PALMD: variants seen among roughly 807,000 people sequenced by gnomAD.
The protein encoded by PALMD is palmdelphin.
A neutral mutation model predicts 56.2 loss-of-function variants in PALMD; 42 were observed. That is an observed-to-expected ratio of 0.75 (90% confidence interval 0.58 to 0.97). The LOEUF is 0.97. PALMD is among the 50% of genes least tolerant of loss of function. The pLI is 0.00. For synonymous variants in PALMD, 242 were observed against 222.9 expected (o/e 1.09, Z -0.76); for missense variants, 660 against 643.8 (o/e 1.03, Z -0.27).
intron 2 of PALMD, among the ~76,000 whole-genome samples, chr1:99,666,052 T>C (rs189442155): frequency 6.6e-5 from 10 of 152,288 alleles, no homozygotes; most frequent in African/African-American, 2.2e-4. Context: ...AAAAGGCCAG[T>C]ACAAATGTGA....
rs200179075 is a variant in PALMD, at chr1:99,683,092, A to G, written c.252-3584A>G. Reference sequence around the variant, plus strand: ...AGAGAGAGAGAGAGAGAGAGAGAGAAAGAAAGAAAGAAAGAAAGAAAGAAA... The same window carrying G: ...AGAGAGAGAGAGAGAGAGAGAGAGAGAGAAAGAAAGAAAGAAAGAAAGAAA... On this transcript the variant is annotated intron_variant, in intron 3 of 7. Transcript: ENST00000263174. Among the ~76,000 whole-genome samples, 191 of 51,980 alleles carry G rather than the reference A, an allele frequency of 3.7e-3. 6 individuals are homozygous for G. Among genetic ancestry groups the G allele is most frequent in the African/African-American group, 8.0e-3 (82 of 10,234 alleles). 34.1% of individuals were successfully genotyped at this position (51,980 alleles called of 152,430 possible).
chr1:99,662,390 G>T lies in PALMD; in HGVS notation c.117G>T (p.Gln39His). Residue 39 changes from glutamine to histidine, a missense_variant, in exon 2 of 8, where the codon CAG (glutamine) becomes CAT (histidine). Physicochemically the swap from Gln to His is conservative, Grantham distance 24. Transcript: ENST00000263174. Reference sequence around the variant, plus strand: ...TAGAGGAAGACAAACTAAAGCACCAGCATTTGAAGGTAATTTATGGCTTTA... The same window carrying T: ...TAGAGGAAGACAAACTAAAGCACCATCATTTGAAGGTAATTTATGGCTTTA... ...LKIEEDKLKH[Q>H]HLKKKALREK... 6.6e-7 allele frequency: 1 copy of T among 1,517,922 alleles called. No individual in the cohort carries two copies. Among genetic ancestry groups the T allele is most frequent in the Non-Finnish European group, 9.1e-7 (1 of 1,102,026 alleles). The allele number at this position is 1,517,922 out of a possible 1,614,324, so 94.0% of individuals were successfully genotyped here.
chr1:99,689,184 T>C lies in PALMD; in HGVS notation c.924T>C (p.Gly308=), dbSNP rs1653597451. 1 of 1,613,470 alleles carries C rather than the reference T, an allele frequency of 6.2e-7. No homozygotes were observed. The highest frequency in any genetic ancestry group is 1.3e-5 in the African/African-American group (1 of 74,844). Residue 308 remains glycine (G), a synonymous_variant, in exon 7 of 8, where the codon GGT becomes GGC. Transcript: ENST00000263174. The part of the protein sequence containing the change: ...VNESIHNMGN[G]LSEERGNNFN... ...AATCCATACACAATATGGGCAATGGTCTTTCAGAGGAAAGGGGAAACAACT... is the reference window on the plus strand; with the variant it reads ...AATCCATACACAATATGGGCAATGGCCTTTCAGAGGAAAGGGGAAACAACT...
At chr1:99,652,660 G>T (rs558968996) in intron 1 of PALMD, among the ~76,000 whole-genome samples, 4 of 71,020 alleles carry the variant, frequency 5.6e-5, no homozygotes, top group African/African-American at 3.4e-4. Flanking sequence ...AGAAAGAAAA[G>T]AAAGGAAAGG....
rs367910751 is a variant in PALMD at position 99,648,103 on chromosome 1, T to C, written c.45+1741T>C. 8.6e-4 allele frequency among the ~76,000 whole-genome samples: 131 copies of C among 152,346 alleles called. 1 individual carries two copies. The highest frequency in any genetic ancestry group is 3.1e-3 in the African/African-American group (130 of 41,576). ...TTGGATTATTCCATCAGCCTAAATATATCCCATTAGAAAGGATTAAACAAA... is the reference window on the plus strand; with the variant it reads ...TTGGATTATTCCATCAGCCTAAATACATCCCATTAGAAAGGATTAAACAAA... On this transcript the variant is annotated intron_variant, in intron 1 of 7. Coordinates refer to ENST00000263174, the MANE Select transcript of PALMD (RefSeq NM_017734.5).
chr1:99,646,996 G>A (rs961506098), intron 1 of PALMD, among the ~76,000 whole-genome samples: 4 of 152,222 alleles, frequency 2.6e-5, no homozygotes, highest in African/African-American at 9.7e-5. Context: ...TGCAGTGCAT[G>A]CAGTGGATTT....
chr1:99,678,163 C>T (rs1291752807), intron 3 of PALMD, among the ~76,000 whole-genome samples: 2 of 150,460 alleles, frequency 1.3e-5, no homozygotes, highest in African/African-American at 4.9e-5. Flanking sequence ...GGCTGGAGTG[C>T]CGTGGCATGA....
At chr1:99,673,586 TCG>T (rs113949105) in intron 3 of PALMD, among the ~76,000 whole-genome samples, 87,029 of 151,286 alleles carry the variant, frequency 0.58, 25,390 homozygotes, top group Non-Finnish European at 0.64. Flanking sequence ...TGAGTCAAAA[TCG>T]TTCCAAGCAT....
intron 1 of PALMD, among the ~76,000 whole-genome samples, chr1:99,648,037 G>A (rs897224528): frequency 6.6e-6 from 1 of 152,144 alleles, no homozygotes; most frequent in African/African-American, 2.4e-5. Context: ...GTAGCTTCCT[G>A]AATATGCAGA....
intron 1 of PALMD, among the ~76,000 whole-genome samples, chr1:99,657,948 C>T (rs558836755): frequency 6.6e-6 from 1 of 152,332 alleles, no homozygotes; most frequent in East Asian, 1.9e-4. Flanking sequence ...CCTGTCTCCC[C>T]TCAACCTGCA....
At chr1:99,658,933 G>A (rs547620107) in intron 1 of PALMD, among the ~76,000 whole-genome samples, 2 of 150,776 alleles carry the variant, frequency 1.3e-5, no homozygotes, top group African/African-American at 4.9e-5. Context: ...GTGACAGAGT[G>A]AGACGCTGTC....
chr1:99,647,614 C>T (rs968989261), intron 1 of PALMD, among the ~76,000 whole-genome samples: 5 of 152,192 alleles, frequency 3.3e-5, no homozygotes, highest in African/African-American at 1.2e-4. Flanking sequence ...TGTCATTAAA[C>T]TCAGCCACCA....
intron 6 of PALMD, 31 bp downstream of exon 6, chr1:99,687,220 T>G: frequency 6.4e-7 from 1 of 1,568,356 alleles, no homozygotes; most frequent in Non-Finnish European, 8.6e-7. Context: ...GAAGGGCATG[T>G]TCTTAATTTC....
chr1:99,665,319 T>G (rs967330058), intron 2 of PALMD, among the ~76,000 whole-genome samples: 7 of 152,276 alleles, frequency 4.6e-5, no homozygotes, highest in Admixed American at 4.6e-4. Flanking sequence ...AAAGTAGATT[T>G]TATTATACTC....
intron 2 of PALMD, 45 bp from the exon 3 acceptor site, chr1:99,667,597 T>G (rs759447106): frequency 1.3e-6 from 2 of 1,560,362 alleles, no homozygotes; most frequent in South Asian, 1.1e-5. Flanking sequence ...ATTTTGGAAA[T>G]TATTGACCAA....
At chr1:99,675,189 G>A (rs1237657074) in intron 3 of PALMD, among the ~76,000 whole-genome samples, 1 of 152,132 alleles carries the variant, frequency 6.6e-6, no homozygotes, top group Non-Finnish European at 1.5e-5. Flanking sequence ...AAGCAAAAAT[G>A]AAGTAGATAA....
rs781186599 is a variant in PALMD at position 99,662,404 on chromosome 1, T to A, written c.126+5T>A. The A allele has an allele frequency of 1.4e-6, 2 of 1,414,292 alleles. No individual in the cohort carries two copies. The highest frequency in any genetic ancestry group is 3.7e-5 in the Admixed American group (2 of 54,118). The allele number at this position is 1,414,292 out of a possible 1,614,324, so 87.6% of individuals were successfully genotyped here. Reference sequence around the variant, plus strand: ...CTAAAGCACCAGCATTTGAAGGTAATTTATGGCTTTAATTTCATTTCAATG... The same window carrying A: ...CTAAAGCACCAGCATTTGAAGGTAAATTATGGCTTTAATTTCATTTCAATG... On this transcript the variant is annotated splice_donor_5th_base_variant and intron_variant, in intron 2 of 7. Coordinates refer to ENST00000263174, the MANE Select transcript of PALMD (RefSeq NM_017734.5).
intron 1 of PALMD, among the ~76,000 whole-genome samples, chr1:99,654,009 G>A (rs1210628703): frequency 1.3e-5 from 2 of 152,026 alleles, no homozygotes; most frequent in Non-Finnish European, 2.9e-5. Flanking sequence ...TCCCTTATTT[G>A]AGGAATTGTA....
At chr1:99,686,644 A>T (rs1330865696) in intron 3 of PALMD, 32 bp from the exon 4 acceptor site, 3 of 1,109,208 alleles carry the variant, frequency 2.7e-6, no homozygotes, top group African/African-American at 3.1e-5. Context: ...GTACTGTGTT[A>T]AGCAATAAAA....
Sources: allele counts gnomAD v4.1 joint callset (sites outside exome capture counted in the v4.1 genomes callset), GRCh38; gene constraint gnomAD v4.1.1; transcripts MANE v1.5; gene names NCBI Gene and HGNC (gene_info 2026-07-23, HGNC 2026-07-21).